Variants in RGS6 observed in about 807,000 individuals in gnomAD.
RGS6 encodes regulator of G-protein signaling 6.
Under a neutral mutation model 78.5 loss-of-function variants are expected in RGS6, and 30 were observed. The observed-to-expected ratio is 0.38, with a 90% CI of 0.29 to 0.52. The LOEUF (loss-of-function observed/expected upper bound fraction) is 0.52. RGS6 is among the 20% of genes least tolerant of loss of function. The pLI is 0.85. For missense variants in RGS6, 495 were observed against 609.7 expected (o/e 0.81, Z 1.98); for synonymous variants, 206 against 206.0 (o/e 1.00, Z 0.00).
chr14:71,876,557 G>A, the RGS6 span, among the ~76,000 whole-genome samples: 1 of 117,142 alleles, frequency 8.5e-6, no homozygotes, highest in African/African-American at 3.3e-5. Flanking sequence ...TTTATTTTGA[G>A]CCTATGTATG....
chr14:72,473,641 A>G (rs1277808866), intron 9 of RGS6, among the ~76,000 whole-genome samples: 1 of 150,950 alleles, frequency 6.6e-6, no homozygotes, highest in Non-Finnish European at 1.5e-5. Context: ...CATGGCAGTT[A>G]TGTTCTATAA....
At chr14:72,093,182 T>C (rs1219439731) in intron 2 of RGS6, among the ~76,000 whole-genome samples, 3 of 152,154 alleles carry the variant, frequency 2.0e-5, no homozygotes, top group Admixed American at 1.3e-4. Context: ...ACGACCAATA[T>C]CTTAAATTTG....
rs559744521 is a variant in RGS6 at position 72,279,458 on chromosome 14, CT to C, written c.85-72635del. 1.9e-3 allele frequency among the ~76,000 whole-genome samples: 295 copies of C among 152,250 alleles called. 3 individuals carry two copies. Among genetic ancestry groups the C allele is most frequent in the Non-Finnish European group, 1.5e-3 (103 of 68,020 alleles). ...ACCCAATCCACTGTGGCACTTCTGCCTTCCAGATCCTCCATAAGAAGGTCTC... is the reference window on the plus strand; with the variant it reads ...ACCCAATCCACTGTGGCACTTCTGCCTCCAGATCCTCCATAAGAAGGTCTC... On this transcript the variant is annotated intron_variant, in intron 2 of 17. Coordinates refer to ENST00000553525, the MANE Select transcript of RGS6 (RefSeq NM_001204424.2).
intron 3 of RGS6, among the ~76,000 whole-genome samples, chr14:72,419,729 C>A (rs545042315): frequency 2.6e-5 from 4 of 152,240 alleles, no homozygotes; most frequent in African/African-American, 9.6e-5. Context: ...GAGAAAAGGG[C>A]AGGTGCTGAA....
At chr14:72,062,404 T>G (rs1031640781) in intron 2 of RGS6, among the ~76,000 whole-genome samples, 10 of 152,218 alleles carry the variant, frequency 6.6e-5, no homozygotes, top group Non-Finnish European at 1.2e-4. Flanking sequence ...ACTGGGATTT[T>G]GAATGTGAGA....
chr14:72,467,810 G>T (rs1012198681), intron 7 of RGS6, among the ~76,000 whole-genome samples: 1 of 152,098 alleles, frequency 6.6e-6, no homozygotes, highest in Non-Finnish European at 1.5e-5. Flanking sequence ...GCCCCTGTCT[G>T]CCCCAATGCC....
intron 3 of RGS6, among the ~76,000 whole-genome samples, chr14:72,420,368 A>G (rs543646245): frequency 1.3e-5 from 2 of 152,366 alleles, no homozygotes; most frequent in African/African-American, 4.8e-5. Flanking sequence ...TTTGGGAATC[A>G]GGATTTGCTG....
the RGS6 span, among the ~76,000 whole-genome samples, chr14:72,578,931 A>G: frequency 6.6e-6 from 1 of 152,176 alleles, no homozygotes; most frequent in Non-Finnish European, 1.5e-5. Flanking sequence ...GGAATAAGCA[A>G]GTGGGGTGGT....
rs548678847 is a variant in RGS6 at position 72,345,793 on chromosome 14, C to T, written c.85-6302C>T. On this transcript the variant is annotated intron_variant, in intron 2 of 17. Transcript: ENST00000553525. ...GGTGCTCAGTGAATGTCCACTAAGC[C>T]AGTACGTACACACAAATACATGCAA... Among the ~76,000 whole-genome samples, 47 of 152,328 alleles carry T rather than the reference C, an allele frequency of 3.1e-4. 1 individual carries two copies. Among genetic ancestry groups the T allele is most frequent in the Admixed American group, 8.5e-4 (13 of 15,306 alleles).
At chr14:71,999,866 C>CTT (rs35391986) in intron 2 of RGS6, among the ~76,000 whole-genome samples, 14,185 of 146,618 alleles carry the variant, frequency 0.097, 738 homozygotes, top group Non-Finnish European at 0.11. Flanking sequence ...AATTAAACCT[C>CTT]TTTTTTTTTT....
chr14:72,139,098 T>C (rs2153608309), intron 2 of RGS6, among the ~76,000 whole-genome samples: 1 of 152,278 alleles, frequency 6.6e-6, no homozygotes, highest in East Asian at 1.9e-4. Flanking sequence ...GCTTGACCAA[T>C]CGAATGCCTT....
intron 16 of RGS6, among the ~76,000 whole-genome samples, chr14:72,538,848 G>A (rs375875027): frequency 6.6e-6 from 1 of 152,252 alleles, no homozygotes; most frequent in South Asian, 2.1e-4. Flanking sequence ...CAAGGGGCCT[G>A]GCTGCCAAGG....
At chr14:71,936,697 C>T (rs36320) in intron 1 of RGS6, among the ~76,000 whole-genome samples, 9,139 of 152,240 alleles carry the variant, frequency 0.06, 376 homozygotes, top group Non-Finnish European at 0.091. Context: ...TACTTACATG[C>T]TGTTGTGAAG....
At chr14:71,966,002 G>T (rs917694738) in intron 2 of RGS6, among the ~76,000 whole-genome samples, 11 of 152,116 alleles carry the variant, frequency 7.2e-5, no homozygotes, top group African/African-American at 2.7e-4. Flanking sequence ...TTTGGAAAAA[G>T]AATACATTTT....
intron 13 of RGS6, among the ~76,000 whole-genome samples, chr14:72,503,033 TC>T (rs1317816048): frequency 6.6e-6 from 1 of 152,186 alleles, no homozygotes; most frequent in African/African-American, 2.4e-5. Context: ...AAAATTTTTT[TC>T]ACAGTTCTGG....
upstream of RGS6, among the ~76,000 whole-genome samples, chr14:71,928,700 T>A (rs1216955373): frequency 6.6e-6 from 1 of 152,234 alleles, no homozygotes; most frequent in Non-Finnish European, 1.5e-5. Flanking sequence ...ATCAAAAGAA[T>A]CAGGGTTTTA....
chr14:72,336,266 A>G (rs2076011043), intron 2 of RGS6, among the ~76,000 whole-genome samples: 1 of 152,162 alleles, frequency 6.6e-6, no homozygotes, highest in South Asian at 2.1e-4. Flanking sequence ...TAATCATGCC[A>G]CTTCTCACTC....
chr14:72,278,716 G>A (rs553551744), intron 2 of RGS6, among the ~76,000 whole-genome samples: 1 of 152,156 alleles, frequency 6.6e-6, no homozygotes, highest in Non-Finnish European at 1.5e-5. Flanking sequence ...CCATTGTCTG[G>A]TACAGATGCT....
chr14:72,514,708 T>C (rs955478894), intron 14 of RGS6, among the ~76,000 whole-genome samples: 10 of 152,218 alleles, frequency 6.6e-5, no homozygotes, highest in Non-Finnish European at 1.0e-4. Context: ...TATTAGTCCT[T>C]GTGGCCTGCC....
Sources: gnomAD v4.1 joint callset for allele counts (sites outside exome capture counted in the v4.1 genomes callset) on GRCh38, gnomAD v4.1.1 for gene constraint, MANE v1.5 for transcripts, NCBI Gene and HGNC (gene_info 2026-07-23, HGNC 2026-07-21) for gene names.